The following KLF3 variants were observed in gnomAD, a reference collection of about 807,000 sequenced individuals.
The protein encoded by KLF3 is KLF transcription factor 3.
KLF3 carries 6 observed loss-of-function variants against 32.7 expected under a neutral mutation model. That is an observed-to-expected ratio of 0.18 (90% CI 0.10 to 0.36). KLF3 has a LOEUF of 0.36. Ranked by LOEUF, KLF3 falls within the 10% of genes least tolerant of loss-of-function variation. KLF3 has a pLI of 1.00. For missense variants in KLF3, 338 were observed against 449.7 expected, an observed-to-expected ratio of 0.75 and a Z score of 2.25; for synonymous variants, 145 against 172.8, an observed-to-expected ratio of 0.84 and a Z score of 1.26.
chr4:38,685,137 A>G (rs1388613692), intron 2 of KLF3, among the ~76,000 whole-genome samples: 2 of 151,924 alleles, frequency 1.3e-5, no homozygotes, highest in Non-Finnish European at 2.9e-5. Context: ...AGCGGGGAAG[A>G]CTGTTACCAG....
chr4:38,696,289 A>G (rs1257858827), intron 5 of KLF3, among the ~76,000 whole-genome samples: 2 of 152,066 alleles, frequency 1.3e-5, no homozygotes, highest in East Asian at 3.9e-4. Flanking sequence ...AAGGAATGGT[A>G]ATCCCTCAAG....
rs1722199229 is a variant in KLF3 at position 38,671,539 on chromosome 4, C to G, written c.-40+7078C>G. On this transcript the variant is annotated intron_variant, in intron 1 of 5. Coordinates refer to ENST00000261438, the MANE Select transcript of KLF3 (RefSeq NM_016531.6). The surrounding 1 kb of genome is among the most constrained non-coding windows in gnomAD (Gnocchi z 4.4). ...TGTCTTCTCCGGGGACCAACCTGTTCACAGAAATCACTATCATGTACTTAC... is the reference window on the plus strand; with the variant it reads ...TGTCTTCTCCGGGGACCAACCTGTTGACAGAAATCACTATCATGTACTTAC... Among the ~76,000 whole-genome samples, 1 of 152,160 alleles carries G rather than the reference C, an allele frequency of 6.6e-6. No individual in the cohort carries two copies. Among genetic ancestry groups the G allele is most frequent in the South Asian group, 2.1e-4 (1 of 4,820 alleles).
At chr4:38,694,674 A>T (rs889241148) in intron 4 of KLF3, 72 bp from the exon 5 acceptor site, 16 of 1,337,140 alleles carry the variant, frequency 1.2e-5, no homozygotes, top group Middle Eastern at 2.7e-4. Context: ...AGTGTTGTTA[A>T]TGCTTTTAGT....
At chr4:38,692,265 G>T (rs1367421841) in intron 4 of KLF3, among the ~76,000 whole-genome samples, 1 of 152,084 alleles carries the variant, frequency 6.6e-6, no homozygotes, top group Non-Finnish European at 1.5e-5. Context: ...TTTGAAAATG[G>T]GAGTGGAGAC....
chr4:38,679,908 C>T lies in KLF3; in HGVS notation c.-39-679C>T, dbSNP rs763505421. 3.9e-5 allele frequency among the ~76,000 whole-genome samples: 6 copies of T among 152,146 alleles called. No individual in the cohort carries two copies. The South Asian group carries it at 6.2e-4, about 16-fold the overall frequency. ...CCCCTAATTTTTCTGCGACCAACATCGGGGAAAAGGGAAGGTGTTTAACGG... is the reference window on the plus strand; with the variant it reads ...CCCCTAATTTTTCTGCGACCAACATTGGGGAAAAGGGAAGGTGTTTAACGG... On this transcript the variant is annotated intron_variant, in intron 1 of 5. Transcript: ENST00000261438.
intron 1 of KLF3, among the ~76,000 whole-genome samples, chr4:38,676,626 C>G (rs918235122): frequency 3.3e-5 from 5 of 152,200 alleles, no homozygotes. Context: ...AAAGCATCAT[C>G]ATTTAAAAGC....
intron 1 of KLF3, among the ~76,000 whole-genome samples, chr4:38,665,155 C>T (rs1223115784): frequency 6.6e-6 from 1 of 152,172 alleles, no homozygotes; most frequent in Non-Finnish European, 1.5e-5. Context: ...GCCAGGGCGT[C>T]TGGATCCTCC....
intron 1 of KLF3, among the ~76,000 whole-genome samples, chr4:38,665,874 G>T (rs1436043884): frequency 6.6e-6 from 1 of 152,204 alleles, no homozygotes; most frequent in Non-Finnish European, 1.5e-5. Context: ...TAGGGAAGAA[G>T]ACTTGCTTTT....
intron 1 of KLF3, among the ~76,000 whole-genome samples, chr4:38,667,453 G>T (rs1722079663): frequency 6.6e-6 from 1 of 152,180 alleles, no homozygotes; most frequent in Non-Finnish European, 1.5e-5. Context: ...TAAGACGCCT[G>T]TGTTATGTCA....
intron 2 of KLF3, among the ~76,000 whole-genome samples, chr4:38,682,833 C>T (rs998182708): frequency 1.3e-5 from 2 of 152,152 alleles, no homozygotes; most frequent in Non-Finnish European, 2.9e-5. Context: ...CCTTCATGTG[C>T]TAGATTTCAA....
chr4:38,698,138 G>A lies in KLF3; in HGVS notation c.*875G>A, dbSNP rs896250556. 2.0e-5 allele frequency: 3 copies of A among 152,160 alleles called. No individual in the cohort carries two copies. Among genetic ancestry groups the A allele is most frequent in the Non-Finnish European group, 4.4e-5 (3 of 68,032 alleles). 9.4% of individuals were successfully genotyped at this position (152,160 alleles called of 1,614,324 possible). ...CCATGCTGCAAAGCCATATACCGAT[G>A]GGGTTATCCATGCAACTATCTCCAT... On this transcript the variant is annotated 3_prime_UTR_variant, in exon 6 of 6. Coordinates refer to ENST00000261438, the MANE Select transcript of KLF3 (RefSeq NM_016531.6).
intron 1 of KLF3, among the ~76,000 whole-genome samples, chr4:38,676,123 T>C (rs904765980): frequency 6.6e-6 from 1 of 152,228 alleles, no homozygotes; most frequent in African/African-American, 2.4e-5. Flanking sequence ...CTATCTTGTC[T>C]TTGTTAAAAG....
In KLF3 at chr4:38,697,429, T is replaced by C. The variant is rs1420885356; in HGVS notation, c.*166T>C. The stretch of plus-strand genomic sequence containing the variant: ...AAACTTCCATATGGTCAGTAGTAGA[T>C]GTTCTCTAATCCTCCCTCTCCTTAC... On this transcript the variant is annotated 3_prime_UTR_variant, in exon 6 of 6. Coordinates refer to ENST00000261438, the MANE Select transcript of KLF3 (RefSeq NM_016531.6). The C allele has an allele frequency of 1.7e-5, 10 of 591,362 alleles. No homozygotes were observed. The East Asian group carries it at 2.3e-4, about 14-fold the overall frequency. 36.6% of individuals were successfully genotyped at this position (591,362 alleles called of 1,614,324 possible).
intron 2 of KLF3, among the ~76,000 whole-genome samples, chr4:38,684,292 A>T (rs529942755): frequency 6.6e-6 from 1 of 152,182 alleles, no homozygotes; most frequent in African/African-American, 2.4e-5. Context: ...AATAATTAGT[A>T]TATTATTCTT....
At chr4:38,696,938 C>A in intron 5 of KLF3, 144 bp from the exon 6 acceptor site, 1 of 620,476 alleles carries the variant, frequency 1.6e-6, no homozygotes, top group Non-Finnish European at 2.6e-6. Context: ...TCTTGCTTGT[C>A]TTGCAGTAGT....
Position 38,699,414 on chromosome 4 carries a change from C to A in KLF3, c.*2151C>A, listed in dbSNP as rs1723141507. 1 of 152,134 alleles carries A rather than the reference C, an allele frequency of 6.6e-6. No individual in the cohort carries two copies. 9.4% of individuals were successfully genotyped at this position (152,134 alleles called of 1,614,324 possible). ...TGTTCATTTCTTGAGATGGTTCTTTCACAACACACAAGAATCAAGATGGAA... is the reference window on the plus strand; with the variant it reads ...TGTTCATTTCTTGAGATGGTTCTTTAACAACACACAAGAATCAAGATGGAA... On this transcript the variant is annotated 3_prime_UTR_variant, in exon 6 of 6. Transcript: ENST00000261438.
At chr4:38,664,950 C>T (rs371983012) in intron 1 of KLF3, 6 of 148,968 alleles carry the variant, frequency 4.0e-5, no homozygotes, top group Non-Finnish European at 9.0e-5. Context: ...CCACCACCAC[C>T]ACAACCCAGG....
chr4:38,667,607 A>G (rs1057112366), intron 1 of KLF3, among the ~76,000 whole-genome samples: 4 of 152,200 alleles, frequency 2.6e-5, no homozygotes, highest in Non-Finnish European at 4.4e-5. Context: ...AAAGAAACCT[A>G]AAGGAGTTTT....
At chr4:38,684,217 G>T (rs1722621036) in intron 2 of KLF3, among the ~76,000 whole-genome samples, 1 of 152,056 alleles carries the variant, frequency 6.6e-6, no homozygotes, top group African/African-American at 2.4e-5. Context: ...ATAGAGCTTT[G>T]GGAAATTATC....
Sources: allele counts gnomAD v4.1 joint callset (sites outside exome capture counted in the v4.1 genomes callset), GRCh38; gene constraint gnomAD v4.1.1; non-coding constraint Gnocchi (gnomAD v3.1); transcripts MANE v1.5; gene names NCBI Gene and HGNC (gene_info 2026-07-23, HGNC 2026-07-21).